KYAT3: variants seen among roughly 807,000 people sequenced by gnomAD.
KYAT3 encodes the protein kynurenine aminotransferase 3, also known as kynurenine--oxoglutarate transaminase 3.
A neutral mutation model predicts 59.0 loss-of-function variants in KYAT3; 50 were observed. That is an observed-to-expected ratio of 0.85 (90% confidence interval 0.68 to 1.07). The LOEUF is 1.07. Ranked by LOEUF, KYAT3 falls within the 50% of genes least tolerant of loss-of-function variation. The probability of loss-of-function intolerance (pLI) is 0.00; values close to 1 mark genes in which losing one functional copy is unlikely to be tolerated. For synonymous variants in KYAT3, 148 were observed against 177.0 expected (o/e 0.84, Z 1.30); for missense variants, 497 against 533.3 (o/e 0.93, Z 0.67).
intron 2 of KYAT3, among the ~76,000 whole-genome samples, chr1:88,971,098 C>A (rs1676539480): frequency 6.6e-6 from 1 of 152,152 alleles, no homozygotes; most frequent in African/African-American, 2.4e-5. Context: ...TCTATCTTAA[C>A]AAATGCTCTT....
intron 2 of KYAT3, among the ~76,000 whole-genome samples, chr1:88,975,342 T>G (rs377725233): frequency 9.2e-5 from 14 of 152,254 alleles, no homozygotes; most frequent in South Asian, 2.1e-4. Flanking sequence ...TAGGAGAGAC[T>G]GGGTTTCACC....
chr1:88,955,923 A>T (rs910454804), intron 8 of KYAT3, among the ~76,000 whole-genome samples: 4 of 152,124 alleles, frequency 2.6e-5, no homozygotes, highest in Non-Finnish European at 5.9e-5. Flanking sequence ...AAATTCACCA[A>T]TTTAAAGTAT....
chr1:88,964,550 A>G, intron 5 of KYAT3: 1 of 345,894 alleles, frequency 2.9e-6, no homozygotes, highest in Non-Finnish European at 5.5e-6. Context: ...ACAGAAGAGT[A>G]CTTACCTCTG....
intron 13 of KYAT3, among the ~76,000 whole-genome samples, chr1:88,937,055 G>A (rs184680643): frequency 1.9e-3 from 294 of 152,304 alleles, no homozygotes; most frequent in Admixed American, 4.2e-3. Flanking sequence ...TCTGAGTGGG[G>A]TAAGTGAGGC....
intron 1 of KYAT3, among the ~76,000 whole-genome samples, chr1:88,992,334 C>T (rs1677855895): frequency 6.6e-6 from 1 of 152,230 alleles, no homozygotes; most frequent in South Asian, 2.1e-4. Context: ...GCCCAAACAG[C>T]GAAATCAAGA....
chr1:88,950,310 A>G (rs1309817341), intron 10 of KYAT3, among the ~76,000 whole-genome samples: 2 of 152,214 alleles, frequency 1.3e-5, no homozygotes, highest in African/African-American at 4.8e-5. Flanking sequence ...AAAAGAATGC[A>G]GTAAAACAGA....
At chr1:88,954,076 G>T (rs1675803673) in intron 9 of KYAT3, among the ~76,000 whole-genome samples, 3 of 151,594 alleles carry the variant, frequency 2.0e-5, no homozygotes, top group Admixed American at 2.0e-4. Context: ...TAATTTTTTT[G>T]TATTTAGTAG....
intron 13 of KYAT3, among the ~76,000 whole-genome samples, chr1:88,938,921 C>T (rs1357165246): frequency 1.3e-5 from 2 of 152,054 alleles, no homozygotes; most frequent in African/African-American, 4.8e-5. Flanking sequence ...ATAAGTCATT[C>T]GAAATGTGCA....
At chr1:88,972,644 T>C (rs561959948) in intron 2 of KYAT3, among the ~76,000 whole-genome samples, 25 of 152,350 alleles carry the variant, frequency 1.6e-4, no homozygotes, top group Non-Finnish European at 5.9e-5. Flanking sequence ...TGTGTCACTG[T>C]CATTCTGAGA....
chr1:88,928,332 C>T, the KYAT3 span, among the ~76,000 whole-genome samples: 1 of 151,782 alleles, frequency 6.6e-6, no homozygotes, highest in Non-Finnish European at 1.5e-5. Flanking sequence ...TTGAACTTGG[C>T]AACGTTGGTT....
At chr1:88,963,777 G>A (rs1305947776) in intron 5 of KYAT3, among the ~76,000 whole-genome samples, 2 of 152,180 alleles carry the variant, frequency 1.3e-5, no homozygotes, top group African/African-American at 4.8e-5. Context: ...AAATGAAAGA[G>A]GCAAAAAGTA....
At chr1:88,956,472 G>GACTA (rs1452282984) in intron 8 of KYAT3, among the ~76,000 whole-genome samples, 1 of 152,142 alleles carries the variant, frequency 6.6e-6, no homozygotes, top group Non-Finnish European at 1.5e-5. Context: ...AGGTGCTAAG[G>GACTA]ACTAAGGTCT....
Position 88,955,177 on chromosome 1 carries a change from C to T in KYAT3, c.836G>A (p.Gly279Glu). 6.2e-7 allele frequency: 1 copy of T among 1,612,416 alleles called. No homozygotes were observed. The highest frequency in any genetic ancestry group is 1.1e-5 in the South Asian group (1 of 91,038). The change falls in exon 9 of 14, where the codon GGA (glycine) becomes GAA (glutamate). Residue 279 changes from glycine (G) to glutamate (E), a missense_variant. Coordinates refer to ENST00000260508, the MANE Select transcript of KYAT3 (RefSeq NM_001008661.3). ...CCAGCCAGTTACACTGAAAGTCTTT[C>T]CAGCACTTCCTATTGTTATTGTTCT... ...WERTITIGSA[G>E]KTFSVTGWKL...
chr1:88,940,572 A>T (rs1675199083), intron 13 of KYAT3, among the ~76,000 whole-genome samples: 1 of 152,044 alleles, frequency 6.6e-6, no homozygotes, highest in Admixed American at 6.6e-5. Flanking sequence ...TCTCATAGTA[A>T]AATTTAATAC....
At chr1:88,988,132 A>G (rs189203122) in intron 2 of KYAT3, 120 bp downstream of exon 2, 2 of 633,836 alleles carry the variant, frequency 3.2e-6, no homozygotes, top group East Asian at 2.9e-5. Flanking sequence ...CACCTTCAGC[A>G]TATGTAATAG....
chr1:88,949,181 C>A lies in KYAT3; in HGVS notation c.1051G>T (p.Asp351Tyr). 6.2e-7 allele frequency: 1 copy of A among 1,610,872 alleles called. No homozygotes were observed. The highest frequency in any genetic ancestry group is 1.1e-5 in the South Asian group (1 of 90,412). The change falls in exon 11 of 14, where the codon GAT becomes TAT. Residue 351 changes from aspartate to tyrosine, a missense_variant. Around this residue, in one of 2 missense-constraint regions of KYAT3, gnomAD observed 469 missense variants for 479.1 expected, o/e 0.98. Coordinates refer to ENST00000260508, the MANE Select transcript of KYAT3 (RefSeq NM_001008661.3). ...SLPKELEVKR[D>Y]RMVRLLESVG... Reference sequence around the variant, plus strand: ...CTTTCAAGTAAACGTACCATCCGATCTCTTTTTACTTCTAACTCTTTTGGC... The same window carrying A: ...CTTTCAAGTAAACGTACCATCCGATATCTTTTTACTTCTAACTCTTTTGGC...
intron 8 of KYAT3, among the ~76,000 whole-genome samples, chr1:88,956,962 T>TA (rs201864557): frequency 0.032 from 4,947 of 152,290 alleles, 242 homozygotes; most frequent in African/African-American, 0.11. Flanking sequence ...GTATTGTCCT[T>TA]AGAGTGTTGG....
chr1:88,955,131 A>C lies in KYAT3; in HGVS notation c.864+18T>G. On this transcript the variant is annotated intron_variant, in intron 9 of 13. Transcript: ENST00000260508. ...ATACAGGCCTATTTTTAAGCAATTA[A>C]ATTCTTACTCATCTTACCTTCCAGC... 1 of 1,531,504 alleles carries C rather than the reference A, an allele frequency of 6.5e-7. No individual in the cohort carries two copies. The highest frequency in any genetic ancestry group is 9.0e-7 in the Non-Finnish European group (1 of 1,106,080). 94.9% of individuals were successfully genotyped at this position (1,531,504 alleles called of 1,614,324 possible). A position where few individuals can be genotyped will look rare whatever the true frequency, so the allele number is the denominator to read the frequency against.
chr1:88,992,458 C>T (rs905397100), intron 1 of KYAT3, 127 bp downstream of exon 1: 1 of 152,824 alleles, frequency 6.5e-6, no homozygotes, highest in Admixed American at 6.5e-5. Context: ...CAGCCACCCC[C>T]GCAGGCGGCC....
Sources: gnomAD v4.1 joint callset for allele counts (sites outside exome capture counted in the v4.1 genomes callset) on GRCh38, gnomAD v4.1.1 for gene constraint, gnomAD v4.1.1 regional missense constraint, MANE v1.5 for transcripts, NCBI Gene and HGNC (gene_info 2026-07-23, HGNC 2026-07-21) for gene names.